Variants in NKAIN3 observed in about 807,000 individuals in gnomAD.
NKAIN3 encodes sodium/potassium-transporting ATPase subunit beta-1-interacting protein 3.
A neutral mutation model predicts 30.2 loss-of-function variants in NKAIN3; 25 were observed. That is an observed-to-expected ratio of 0.83 (90% CI 0.60 to 1.16). NKAIN3 has a LOEUF of 1.16. Ranked by LOEUF, NKAIN3 falls within the 50% of genes most tolerant of loss-of-function variation. NKAIN3 has a pLI of 0.00. For missense variants in NKAIN3, 225 were observed against 254.1 expected (o/e 0.89, Z 0.78); for synonymous variants, 91 against 89.6 (o/e 1.02, Z -0.09).
At position 62,968,081 on chromosome 8, in the gene NKAIN3, C is replaced by A. The variant is rs1338695119; in HGVS notation, c.*2674C>A. ...TGTTTCAATCTCCAACCTCAGCAAT[C>A]CATAAAGATTGTCCTAACATTCTGG... On this transcript the variant is annotated 3_prime_UTR_variant, in exon 7 of 7. Coordinates refer to ENST00000623646, the MANE Select transcript of NKAIN3 (RefSeq NM_001304533.3). Among the ~76,000 whole-genome samples the A allele has an allele frequency of 2.0e-5, 3 of 152,178 alleles. No individual in the cohort carries two copies. Among genetic ancestry groups the A allele is most frequent in the African/African-American group, 7.2e-5 (3 of 41,444 alleles).
chr8:62,881,864 A>C (rs959791270), intron 4 of NKAIN3, among the ~76,000 whole-genome samples: 1 of 152,230 alleles, frequency 6.6e-6, no homozygotes, highest in Non-Finnish European at 1.5e-5. Flanking sequence ...GAATAAATTA[A>C]AGTTTCTGTT....
chr8:62,951,889 C>T (rs1318287763), intron 5 of NKAIN3, among the ~76,000 whole-genome samples: 1 of 152,180 alleles, frequency 6.6e-6, no homozygotes, highest in Non-Finnish European at 1.5e-5. Flanking sequence ...CAACCTCCAT[C>T]TCCCAGGTTC....
At chr8:62,707,052 T>TACAC (rs1219559233) in intron 3 of NKAIN3, among the ~76,000 whole-genome samples, 101 of 99,268 alleles carry the variant, frequency 1.0e-3, no homozygotes, top group African/African-American at 2.8e-3. Context: ...CCATCATACA[T>TACAC]ACATACACAC....
chr8:62,489,183 AT>A (rs56881745), intron 1 of NKAIN3, among the ~76,000 whole-genome samples: 19,998 of 142,554 alleles, frequency 0.14, 2,244 homozygotes, highest in African/African-American at 0.32. Flanking sequence ...CACCTGGCTA[AT>A]TTTTTTTTTT....
intron 1 of NKAIN3, among the ~76,000 whole-genome samples, chr8:62,398,237 C>A (rs1325358388): frequency 6.6e-6 from 1 of 152,194 alleles, no homozygotes; most frequent in Non-Finnish European, 1.5e-5. Context: ...TGGTAAAAAG[C>A]AAGCTGTTTC....
At chr8:62,385,116 G>C (rs1817386266) in intron 1 of NKAIN3, among the ~76,000 whole-genome samples, 1 of 152,102 alleles carries the variant, frequency 6.6e-6, no homozygotes, top group Admixed American at 6.6e-5. Context: ...AGAATCAGGA[G>C]TGCGAGTCCC....
intron 5 of NKAIN3, among the ~76,000 whole-genome samples, chr8:62,922,647 T>C: frequency 6.6e-6 from 1 of 152,042 alleles, no homozygotes; most frequent in Non-Finnish European, 1.5e-5. Context: ...TGTGCAAAAT[T>C]GGTAAGGGTG....
At chr8:62,489,899 A>G (rs898299899) in intron 1 of NKAIN3, among the ~76,000 whole-genome samples, 1 of 152,212 alleles carries the variant, frequency 6.6e-6, no homozygotes, top group Non-Finnish European at 1.5e-5. Context: ...TTCCAGTTCA[A>G]CTTCACTGTT....
intron 1 of NKAIN3, among the ~76,000 whole-genome samples, chr8:62,306,313 G>A (rs1189563090): frequency 6.7e-6 from 1 of 150,034 alleles, no homozygotes; most frequent in Non-Finnish European, 1.5e-5. Flanking sequence ...TGTACATGGT[G>A]GGGGAAGGGG....
At chr8:62,951,563 A>G (rs1042511060) in intron 5 of NKAIN3, among the ~76,000 whole-genome samples, 1 of 151,330 alleles carries the variant, frequency 6.6e-6, no homozygotes, top group East Asian at 2.0e-4. Context: ...GGCTCAAACT[A>G]TCCTTCCACT....
At chr8:62,929,710 CTG>C (rs1360234018) in intron 5 of NKAIN3, among the ~76,000 whole-genome samples, 3 of 152,086 alleles carry the variant, frequency 2.0e-5, no homozygotes, top group Non-Finnish European at 4.4e-5. Context: ...TTTTTAAAAA[CTG>C]TGGTTTTTTG....
chr8:62,992,989 C>A (rs1228574353), intron 5 of NKAIN3, among the ~76,000 whole-genome samples: 1 of 152,042 alleles, frequency 6.6e-6, no homozygotes, highest in African/African-American at 2.4e-5. Flanking sequence ...ATTCAGGGAC[C>A]CAGTCTCATT....
intron 4 of NKAIN3, among the ~76,000 whole-genome samples, chr8:62,806,821 A>G (rs948358477): frequency 6.6e-6 from 1 of 151,594 alleles, no homozygotes; most frequent in Non-Finnish European, 1.5e-5. Context: ...AAAAAATAAA[A>G]TAATATAAAA....
chr8:62,867,578 A>G (rs1354547634), intron 4 of NKAIN3, among the ~76,000 whole-genome samples: 5 of 152,192 alleles, frequency 3.3e-5, no homozygotes, highest in Admixed American at 3.3e-4. Flanking sequence ...AAGAGGAACC[A>G]AAAGCCTCCA....
At chr8:62,294,262 C>T (rs1213227510) in intron 1 of NKAIN3, among the ~76,000 whole-genome samples, 1 of 152,134 alleles carries the variant, frequency 6.6e-6, no homozygotes, top group Admixed American at 6.5e-5. Flanking sequence ...CCCAGTACCT[C>T]AGTTGGAAAT....
At chr8:62,589,875 T>TGTG in intron 3 of NKAIN3, 81 bp downstream of exon 3, 2 of 428,516 alleles carry the variant, frequency 4.7e-6, no homozygotes, top group Non-Finnish European at 8.5e-6. Flanking sequence ...TATAGGTATA[T>TGTG]TGTGTGTGTG....
chr8:62,953,039 T>G (rs544542876), intron 5 of NKAIN3, among the ~76,000 whole-genome samples: 9 of 152,266 alleles, frequency 5.9e-5, no homozygotes, highest in Admixed American at 3.3e-4. Context: ...AAAATGCTAC[T>G]CTGTATGGAG....
chr8:62,531,238 G>A (rs1235812583), intron 1 of NKAIN3, among the ~76,000 whole-genome samples: 3 of 152,218 alleles, frequency 2.0e-5, no homozygotes, highest in South Asian at 2.1e-4. Flanking sequence ...CTCTCATGTC[G>A]TTTTAGTACA....
At chr8:62,824,075 C>A (rs1818941682) in intron 4 of NKAIN3, among the ~76,000 whole-genome samples, 1 of 152,246 alleles carries the variant, frequency 6.6e-6, no homozygotes, top group South Asian at 2.1e-4. Flanking sequence ...GCTGTGATAT[C>A]CCTTCAAAAT....
Sources: gnomAD v4.1 joint callset for allele counts (sites outside exome capture counted in the v4.1 genomes callset) on GRCh38, gnomAD v4.1.1 for gene constraint, MANE v1.5 for transcripts, NCBI Gene and HGNC (gene_info 2026-07-23, HGNC 2026-07-21) for gene names.